Variants in MGST1 observed in about 807,000 individuals in gnomAD.
MGST1 encodes glutathione S-transferase 12.
MGST1 carries 5 observed loss-of-function variants against 8.9 expected under a neutral mutation model. That is an observed-to-expected ratio of 0.56 (90% CI 0.29 to 1.19). The LOEUF (loss-of-function observed/expected upper bound fraction) is 1.19. MGST1 is among the 50% of genes most tolerant of loss of function. The probability of loss-of-function intolerance (pLI) is 0.08; values close to 1 mark genes in which losing one functional copy is unlikely to be tolerated. For synonymous variants in MGST1, 54 were observed against 67.8 expected, an observed-to-expected ratio of 0.80 and a Z score of 1.00; for missense variants, 182 against 187.4, an observed-to-expected ratio of 0.97 and a Z score of 0.17.
chr12:16,416,352 T>C (rs1212006327), intron 1 of MGST1, among the ~76,000 whole-genome samples: 8 of 152,184 alleles, frequency 5.3e-5, no homozygotes, highest in Admixed American at 1.3e-4. Flanking sequence ...AATACAAAAA[T>C]GTGTAACTAA....
chr12:16,557,581 T>C (rs984827291), intron 4 of MGST1, among the ~76,000 whole-genome samples: 1 of 152,110 alleles, frequency 6.6e-6, no homozygotes, highest in Non-Finnish European at 1.5e-5. Flanking sequence ...GCATTTGTTT[T>C]TATACAATCT....
rs1255346460 is a variant in MGST1 at position 16,503,277 on chromosome 12, G to A, written n.483-86251G>A. The stretch of plus-strand genomic sequence containing the variant: ...CAAGGGAAGGAAAATAAGACAGAAC[G>A]GGTGGTCAAATAGCATTTTTTTCTA... On this transcript the variant is annotated intron_variant and non_coding_transcript_variant, in intron 4 of 4. Coordinates refer to the MGST1 transcript ENST00000538857. The surrounding 1 kb of genome is among the most constrained non-coding windows in gnomAD (Gnocchi z 4.8). Among the ~76,000 whole-genome samples the A allele has an allele frequency of 1.3e-5, 2 of 151,914 alleles. No individual in the cohort carries two copies. Among genetic ancestry groups the A allele is most frequent in the African/African-American group, 2.4e-5 (1 of 41,368 alleles).
intron 4 of MGST1, among the ~76,000 whole-genome samples, chr12:16,541,067 CTG>C (rs1241543016): frequency 1.3e-5 from 2 of 152,106 alleles, no homozygotes; most frequent in African/African-American, 2.4e-5. Flanking sequence ...AAGTGGCAGA[CTG>C]TTTATTTCTT....
rs1294838042 is a variant in MGST1 at position 16,559,881 on chromosome 12, G to A, written n.483-29647G>A. ...GGAGGCTGAGGCAGGAGGATTGCTT[G>A]AGCACAGAAGTTGAGGCTGCATGAG... On this transcript the variant is annotated intron_variant and non_coding_transcript_variant, in intron 4 of 4. Transcript: ENST00000538857. The surrounding 1 kb of genome is among the most constrained non-coding windows in gnomAD (Gnocchi z 4.1). Among the ~76,000 whole-genome samples the A allele has an allele frequency of 1.3e-5, 2 of 151,968 alleles. No homozygotes were observed. The highest frequency in any genetic ancestry group is 4.8e-5 in the African/African-American group (2 of 41,386).
At chr12:16,418,909 G>T (rs1940808780) in intron 1 of MGST1, among the ~76,000 whole-genome samples, 2 of 152,130 alleles carry the variant, frequency 1.3e-5, no homozygotes, top group African/African-American at 4.8e-5. Context: ...AAAGTTCACT[G>T]ATCAATTTGG....
chr12:16,452,413 A>T (rs1941136249), intron 4 of MGST1, among the ~76,000 whole-genome samples: 1 of 151,542 alleles, frequency 6.6e-6, no homozygotes, highest in South Asian at 2.1e-4. Context: ...AAAAAAAAAA[A>T]TGGAAACTGT....
At chr12:16,429,416 TTA>T (rs1940920366) in intron 1 of MGST1, among the ~76,000 whole-genome samples, 1 of 152,132 alleles carries the variant, frequency 6.6e-6, no homozygotes. Context: ...CAGTTATGTT[TTA>T]TATTTTCTCT....
intron 1 of MGST1, among the ~76,000 whole-genome samples, chr12:16,407,098 GA>G (rs899256253): frequency 6.6e-6 from 1 of 152,188 alleles, no homozygotes; most frequent in African/African-American, 2.4e-5. Context: ...CACAGTGAAA[GA>G]AACTATCAAC....
intron 4 of MGST1, among the ~76,000 whole-genome samples, chr12:16,472,025 C>T (rs945212380): frequency 6.6e-6 from 1 of 152,072 alleles, no homozygotes; most frequent in African/African-American, 2.4e-5. Flanking sequence ...GTTTGGTGCC[C>T]CCTGTTCATT....
intron 4 of MGST1, among the ~76,000 whole-genome samples, chr12:16,470,335 A>G (rs1461016455): frequency 2.0e-5 from 3 of 152,218 alleles, no homozygotes; most frequent in African/African-American, 7.2e-5. Context: ...ATATTTACAG[A>G]AAACAAAAGA....
At position 16,391,623 on chromosome 12, in the gene MGST1, C is replaced by T. The variant is rs768026844; in HGVS notation, n.778+8019C>T. ...GTTTTTCTCTTGTAAATTTAAGTTA[C>T]TTATAGATGCTGGATATTAGACCTT... On this transcript the variant is annotated intron_variant and non_coding_transcript_variant, in intron 1 of 1. Coordinates refer to the MGST1 transcript ENST00000359720. Among the ~76,000 whole-genome samples, 16 of 152,086 alleles carry T rather than the reference C, an allele frequency of 1.1e-4. 1 individual carries two copies. Among genetic ancestry groups the T allele is most frequent in the Non-Finnish European group, 2.1e-4 (14 of 68,016 alleles).
chr12:16,474,904 C>A (rs897315081), intron 4 of MGST1, among the ~76,000 whole-genome samples: 4 of 152,142 alleles, frequency 2.6e-5, no homozygotes, highest in Non-Finnish European at 2.9e-5. Context: ...ATAAAATGAA[C>A]ATAAGTATGA....
chr12:16,375,983 A>T (rs1940372805), intron 3 of MGST1: 3 of 459,446 alleles, frequency 6.5e-6, no homozygotes. Flanking sequence ...CTCATAAGAT[A>T]TATACACACA....
At chr12:16,538,608 C>CTTTTTTTTTTTTT (rs35801123) in intron 4 of MGST1, among the ~76,000 whole-genome samples, 2 of 128,242 alleles carry the variant, frequency 1.6e-5, no homozygotes, top group African/African-American at 6.2e-5. Flanking sequence ...AAAGGCACTT[C>CTTTTTTTTTTTTT]TTTTTTTTTT....
At chr12:16,351,186 A>G (rs1399782959) in intron 1 of MGST1, among the ~76,000 whole-genome samples, 1 of 152,214 alleles carries the variant, frequency 6.6e-6, no homozygotes, top group Non-Finnish European at 1.5e-5. Context: ...TTAATTTTAA[A>G]AAACTTCACA....
chr12:16,431,577 A>G (rs1470287238), intron 1 of MGST1, among the ~76,000 whole-genome samples: 2 of 152,078 alleles, frequency 1.3e-5, no homozygotes, highest in African/African-American at 2.4e-5. Context: ...AGGTGGAGCA[A>G]TCAGAACCCA....
At chr12:16,352,824 T>C (rs1939529353) in intron 1 of MGST1, among the ~76,000 whole-genome samples, 1 of 152,298 alleles carries the variant, frequency 6.6e-6, no homozygotes. Context: ...GGTAATTCCT[T>C]ACCTTGCATT....
chr12:16,396,215 C>T (rs529743065), intron 1 of MGST1, among the ~76,000 whole-genome samples: 2 of 152,184 alleles, frequency 1.3e-5, no homozygotes, highest in South Asian at 4.1e-4. Context: ...GCAGAAAAAG[C>T]ATTTGACAAA....
chr12:16,393,494 A>AGT (rs1471916167), intron 1 of MGST1, among the ~76,000 whole-genome samples: 1 of 152,224 alleles, frequency 6.6e-6, no homozygotes, highest in African/African-American at 2.4e-5. Flanking sequence ...TGGTGACAGT[A>AGT]GTAGCAGCAA....
Sources: gnomAD v4.1 joint callset for allele counts (sites outside exome capture counted in the v4.1 genomes callset) on GRCh38, gnomAD v4.1.1 for gene constraint, Gnocchi (gnomAD v3.1) non-coding constraint, MANE v1.5 for transcripts, NCBI Gene and HGNC (gene_info 2026-07-23, HGNC 2026-07-21) for gene names.